The following CALML4 variants were observed in gnomAD, a reference collection of about 807,000 sequenced individuals.
CALML4 encodes the protein calmodulin-like protein 4.
CALML4 carries 16 observed loss-of-function variants against 17.9 expected under a neutral mutation model. The ratio of observed to expected loss-of-function variants is 0.89; its 90% CI spans 0.61 to 1.36. The LOEUF (loss-of-function observed/expected upper bound fraction) is 1.36, where lower values mean the gene tolerates loss of function less well. Among genes scored for constraint, CALML4 ranks in the 40% most tolerant of loss-of-function variants. The pLI, the probability that CALML4 is intolerant of heterozygous loss-of-function variation, is 0.00. For synonymous variants in CALML4, 86 were observed against 71.5 expected (o/e 1.20, Z -1.02); for missense variants, 203 against 194.8 (o/e 1.04, Z -0.25).
At position 68,193,552 on chromosome 15, in the gene CALML4, T is replaced by A. The variant is rs1384419319; in HGVS notation, c.*463A>T. Reference sequence around the variant, plus strand: ...TTCATCTTGGAAAATCTTGGAAATATGGAAGATGGTTCTAGCCCCCAAATA... The same window carrying A: ...TTCATCTTGGAAAATCTTGGAAATAAGGAAGATGGTTCTAGCCCCCAAATA... On this transcript the variant is annotated 3_prime_UTR_variant, in exon 5 of 5. Transcript: ENST00000467889. 6.5e-6 allele frequency: 1 copy of A among 153,764 alleles called. No individual in the cohort carries two copies. Among genetic ancestry groups the A allele is most frequent in the African/African-American group, 2.4e-5 (1 of 41,496 alleles). The allele number at this position is 153,764 out of a possible 1,614,324, so 9.5% of individuals were successfully genotyped here. A position where few individuals can be genotyped will look rare whatever the true frequency, so the allele number is the denominator to read the frequency against.
rs2093129577 is a variant in CALML4 at position 68,193,458 on chromosome 15, G to A, written c.*557C>T. 2 of 152,658 alleles carry A rather than the reference G, an allele frequency of 1.3e-5. No homozygotes were observed. Among genetic ancestry groups the A allele is most frequent in the Non-Finnish European group, 2.9e-5 (2 of 68,368 alleles). 9.5% of individuals were successfully genotyped at this position (152,658 alleles called of 1,614,324 possible). On this transcript the variant is annotated 3_prime_UTR_variant, in exon 5 of 5. Transcript: ENST00000467889. ...ATGAGAATTTGTAAATGGGCCTCTG[G>A]CACTGCAAGAATTGTTGTCATAAGT... is the stretch of plus-strand genomic sequence containing the variant.
chr15:68,202,146 CAAGA>C (rs1395258632), intron 2 of CALML4, among the ~76,000 whole-genome samples: 1 of 152,202 alleles, frequency 6.6e-6, no homozygotes, highest in Non-Finnish European at 1.5e-5. Context: ...TCCCCCAGGA[CAAGA>C]AAGAGACCTG....
chr15:68,191,850 T>G lies in CALML4; in HGVS notation c.*2165A>C, dbSNP rs1320746272. The G allele has an allele frequency of 2.6e-5, 4 of 152,162 alleles. No homozygotes were observed. Among genetic ancestry groups the G allele is most frequent in the Non-Finnish European group, 4.4e-5 (3 of 68,030 alleles). The allele number at this position is 152,162 out of a possible 1,614,324, so 9.4% of individuals were successfully genotyped here. The stretch of plus-strand genomic sequence containing the variant: ...GTAGAGGTTTGAATCAAACACTTAA[T>G]AGGATCTTAGACTCTGGACCACTGA... On this transcript the variant is annotated 3_prime_UTR_variant, in exon 5 of 5. Transcript: ENST00000467889.
Position 68,205,288 on chromosome 15 carries a change from G to A in CALML4, c.-41C>T. The A allele has an allele frequency of 6.2e-7, 1 of 1,614,102 alleles. No homozygotes were observed. Among genetic ancestry groups the A allele is most frequent in the South Asian group, 1.1e-5 (1 of 91,086 alleles). On this transcript the variant is annotated 5_prime_UTR_variant, in exon 1 of 5. Transcript: ENST00000467889. The surrounding 1 kb of genome is among the most constrained non-coding windows in gnomAD (Gnocchi z 4.8). ...GCTACCCGTGGGCTTGCTGCTCCCA[G>A]AACCGCGTTCAGTTCCCTTTCCTCC...
At chr15:68,201,048 G>C (rs1176310192) in intron 2 of CALML4, among the ~76,000 whole-genome samples, 1 of 152,128 alleles carries the variant, frequency 6.6e-6, no homozygotes, top group African/African-American at 2.4e-5. Flanking sequence ...CAGACCAGGG[G>C]TCCCTTCATA....
chr15:68,199,588 CTGGCCCCCAGGCACCTCA>C lies in CALML4; in HGVS notation c.110_127del (p.Met37_Ala42del). The C allele has an allele frequency of 6.2e-7, 1 of 1,613,832 alleles. No homozygotes were observed. Among genetic ancestry groups the C allele is most frequent in the Non-Finnish European group, 8.5e-7 (1 of 1,179,984 alleles). On this transcript the variant is annotated inframe_deletion, in exon 3 of 5. Transcript: ENST00000467889. ...CCGCTGCACCTCCCCTGGCGTCGGG[CTGGCCCCCAGGCACCTCA>C]TGGCCACCATGAGGTCGGTGGCTTT... is the stretch of plus-strand genomic sequence containing the variant.
At position 68,193,337 on chromosome 15, in the gene CALML4, A is replaced by T. The variant is rs781355316; in HGVS notation, c.*678T>A. On this transcript the variant is annotated 3_prime_UTR_variant, in exon 5 of 5. Transcript: ENST00000467889. ...TCCTGCTCTCAGCTGATGCTGCCTC[A>T]TTGTAGCATGTGTTTTCACTCTAGT... is the stretch of plus-strand genomic sequence containing the variant. 1 of 152,246 alleles carries T rather than the reference A, an allele frequency of 6.6e-6. No individual in the cohort carries two copies. The highest frequency in any genetic ancestry group is 1.5e-5 in the Non-Finnish European group (1 of 68,096). The allele number at this position is 152,246 out of a possible 1,614,324, so 9.4% of individuals were successfully genotyped here.
At chr15:68,195,249 C>CCA (rs527400750) in intron 4 of CALML4, among the ~76,000 whole-genome samples, 260 of 152,236 alleles carry the variant, frequency 1.7e-3, no homozygotes, top group African/African-American at 5.9e-3. Context: ...TGGATACCTT[C>CCA]CACACACACA....
intron 2 of CALML4, among the ~76,000 whole-genome samples, chr15:68,203,837 A>G (rs1284910833): frequency 1.3e-5 from 2 of 151,822 alleles, no homozygotes; most frequent in East Asian, 3.9e-4. Context: ...TCTTTCACAC[A>G]CTCATTAAAC....
At position 68,197,035 on chromosome 15, in the gene CALML4, G is replaced by A. The variant is rs1308715598; in HGVS notation, c.364+405C>T. ...TGTCTAGACCTGCCTTCGCTCCTGC[G>A]CCGCTGCTTGGGAGCCGCTCACTCC... On this transcript the variant is annotated intron_variant, in intron 4 of 4. Transcript: ENST00000467889. The surrounding 1 kb of genome is among the most constrained non-coding windows in gnomAD (Gnocchi z 4.1). Among the ~76,000 whole-genome samples, 1 of 152,172 alleles carries A rather than the reference G, an allele frequency of 6.6e-6. No homozygotes were observed. Among genetic ancestry groups the A allele is most frequent in the Non-Finnish European group, 1.5e-5 (1 of 68,026 alleles).
intron 4 of CALML4, among the ~76,000 whole-genome samples, chr15:68,196,083 C>A (rs942805974): frequency 6.6e-6 from 1 of 152,214 alleles, no homozygotes; most frequent in Admixed American, 6.5e-5. Context: ...AAGTCTCATT[C>A]TGTCACCCAA....
chr15:68,201,616 C>A (rs1312651441), intron 2 of CALML4, among the ~76,000 whole-genome samples: 1 of 152,178 alleles, frequency 6.6e-6, no homozygotes, highest in African/African-American at 2.4e-5. Flanking sequence ...CAGATGGGGG[C>A]ACTTCACTAC....
upstream of CALML4, chr15:68,205,341 G>T: frequency 1.2e-6 from 2 of 1,614,100 alleles, no homozygotes; most frequent in Non-Finnish European, 1.7e-6. This position sits in a 1 kb window ranked among gnomAD's most constrained non-coding sequence, Gnocchi z 4.8. Context: ...CTGCCAAGCT[G>T]GGTGGAGGCC....
Position 68,192,671 on chromosome 15 carries a change from A to G in CALML4, c.*1344T>C, listed in dbSNP as rs560467480. On this transcript the variant is annotated 3_prime_UTR_variant, in exon 5 of 5. Coordinates refer to ENST00000467889, the MANE Select transcript of CALML4 (RefSeq NM_033429.3). ...TAACACTACAACTCTTGTTCCCTGCAGTTTTCCCTGTGCCCGGTGCCTAGT... is the reference window on the plus strand; with the variant it reads ...TAACACTACAACTCTTGTTCCCTGCGGTTTTCCCTGTGCCCGGTGCCTAGT... The G allele has an allele frequency of 1.3e-5, 2 of 152,326 alleles. No individual in the cohort carries two copies. Among genetic ancestry groups the G allele is most frequent in the South Asian group, 2.1e-4 (1 of 4,828 alleles). The allele number at this position is 152,326 out of a possible 1,614,324, so 9.4% of individuals were successfully genotyped here.
chr15:68,193,741 CCCAGG>C lies in CALML4; in HGVS notation c.*269_*273del, dbSNP rs1418947303. Reference sequence around the variant, plus strand: ...GGAAGCAGCAGAGCCAGGACTGGAACCCAGGCCAGACTCCAAACCGCAGGCTCCTT... The same window carrying C: ...GGAAGCAGCAGAGCCAGGACTGGAACCCAGACTCCAAACCGCAGGCTCCTT... On this transcript the variant is annotated 3_prime_UTR_variant, in exon 5 of 5. Transcript: ENST00000467889. The C allele has an allele frequency of 6.7e-5, 24 of 357,914 alleles. No individual in the cohort carries two copies. The highest frequency in any genetic ancestry group is 1.2e-4 in the Non-Finnish European group (23 of 194,220). 22.2% of individuals were successfully genotyped at this position (357,914 alleles called of 1,614,324 possible).
intron 2 of CALML4, among the ~76,000 whole-genome samples, chr15:68,202,677 CT>C (rs1231529989): frequency 7.8e-6 from 1 of 128,998 alleles, no homozygotes; most frequent in Non-Finnish European, 1.6e-5. Flanking sequence ...GAGTTTTGCT[CT>C]TGTTGCCCAG....
chr15:68,197,472 G>A lies in CALML4; in HGVS notation c.332C>T (p.Thr111Met), dbSNP rs2280217. The part of the protein sequence containing the change: ...VMASDLRSKL[T>M]SLGEKLTHKE... ...GTGGGTGAGCTTCTCCCCCAGACTCGTGAGTTTTGACCGCAGGTCGGACGC... is the reference window on the plus strand; with the variant it reads ...GTGGGTGAGCTTCTCCCCCAGACTCATGAGTTTTGACCGCAGGTCGGACGC... Residue 111 changes from threonine (T) to methionine (M), a missense_variant, in exon 4 of 5, where the codon ACG (threonine) becomes ATG (methionine). By Grantham distance (81) the Thr-to-Met change is moderately conservative. Coordinates refer to ENST00000467889, the MANE Select transcript of CALML4 (RefSeq NM_033429.3). The surrounding 1 kb of genome is among the most constrained non-coding windows in gnomAD (Gnocchi z 4.1). 16 of 1,613,968 alleles carry A rather than the reference G, an allele frequency of 9.9e-6. No individual in the cohort carries two copies. The highest frequency in any genetic ancestry group is 4.5e-5 in the East Asian group (2 of 44,870).
rs1487863376 is a variant in CALML4 at position 68,200,290 on chromosome 15, A to G, written c.35-609T>C. ...TCAGAGCTGGGGCATTTCTGAGCCT[A>G]TTGCCCCTGCCCTGGCCTCCAGGCT... On this transcript the variant is annotated intron_variant, in intron 2 of 4. Transcript: ENST00000467889. This position sits in a 1 kb window ranked among gnomAD's most constrained non-coding sequence, Gnocchi z 4.3. Among the ~76,000 whole-genome samples the G allele has an allele frequency of 1.3e-5, 2 of 152,164 alleles. No individual in the cohort carries two copies. Among genetic ancestry groups the G allele is most frequent in the African/African-American group, 4.8e-5 (2 of 41,426 alleles).
At position 68,200,688 on chromosome 15, in the gene CALML4, G is replaced by A. The variant is rs931062182; in HGVS notation, c.35-1007C>T. Among the ~76,000 whole-genome samples the A allele has an allele frequency of 2.0e-5, 3 of 152,106 alleles. No individual in the cohort carries two copies. The highest frequency in any genetic ancestry group is 7.2e-5 in the African/African-American group (3 of 41,402). On this transcript the variant is annotated intron_variant, in intron 2 of 4. Transcript: ENST00000467889. The surrounding 1 kb of genome is among the most constrained non-coding windows in gnomAD (Gnocchi z 4.3). ...CGTGGAAACACAGTGGCCTGGCGCTGGCCCTCCCAGGCTGGGGCTCAGGGC... is the reference window on the plus strand; with the variant it reads ...CGTGGAAACACAGTGGCCTGGCGCTAGCCCTCCCAGGCTGGGGCTCAGGGC...
Sources: allele counts gnomAD v4.1 joint callset (sites outside exome capture counted in the v4.1 genomes callset), GRCh38; gene constraint gnomAD v4.1.1; non-coding constraint Gnocchi (gnomAD v3.1); transcripts MANE v1.5; gene names NCBI Gene and HGNC (gene_info 2026-07-23, HGNC 2026-07-21).